RAD54L: variants seen among roughly 807,000 people sequenced by gnomAD.
RAD54L encodes the protein RAD54 like, also known as DNA repair and recombination protein RAD54-like.
A neutral mutation model predicts 91.6 loss-of-function variants in RAD54L; 74 were observed. The ratio of observed to expected loss-of-function variants is 0.81; its 90% CI spans 0.67 to 0.98. The LOEUF is 0.98. Ranked by LOEUF, RAD54L falls within the 50% of genes least tolerant of loss-of-function variation. The probability of loss-of-function intolerance (pLI) is 0.00; values close to 1 mark genes in which losing one functional copy is unlikely to be tolerated. For synonymous variants in RAD54L, 304 were observed against 349.7 expected, an observed-to-expected ratio of 0.87 and a Z score of 1.46; for missense variants, 887 against 945.7, an observed-to-expected ratio of 0.94 and a Z score of 0.81.
At chr1:46,254,450 A>G (rs1243357136) in intron 3 of RAD54L, among the ~76,000 whole-genome samples, 4 of 151,906 alleles carry the variant, frequency 2.6e-5, no homozygotes, top group East Asian at 3.9e-4. Flanking sequence ...GTAAATGTGG[A>G]TGTGGAGTAA....
At position 46,270,800 on chromosome 1, in the gene RAD54L, C is replaced by A; in HGVS notation, c.1169+15C>A. The A allele has an allele frequency of 6.2e-7, 1 of 1,613,910 alleles. No homozygotes were observed. The highest frequency in any genetic ancestry group is 8.5e-7 in the Non-Finnish European group (1 of 1,179,896). On this transcript the variant is annotated intron_variant, in intron 10 of 17. Transcript: ENST00000371975. ...ATTGTGAATAGGTAATGACCTTAAG[C>A]GAAGTCATTAGAATTGCCTCCCAAA...
chr1:46,274,691 A>G lies in RAD54L; in HGVS notation c.1843A>G (p.Thr615Ala). The change falls in exon 16 of 18, where the codon ACT (threonine) becomes GCT (alanine). Residue 615 changes from threonine to alanine, a missense_variant. Coordinates refer to ENST00000371975, the MANE Select transcript of RAD54L (RefSeq NM_003579.4). ...ARVWRDGQKKTCYIYRLLSAG... is the reference protein window; with the variant it reads ...ARVWRDGQKKACYIYRLLSAG... ...GGTCTGGCGAGATGGTCAAAAGAAG[A>G]CTTGCTATATCTACCGCCTGCTGTC... The G allele has an allele frequency of 6.2e-7, 1 of 1,614,092 alleles. No individual in the cohort carries two copies. The highest frequency in any genetic ancestry group is 8.5e-7 in the Non-Finnish European group (1 of 1,180,002).
At position 46,266,053 on chromosome 1, in the gene RAD54L, G is replaced by C. The variant is rs189882358; in HGVS notation, c.892-1406G>C. 2.5e-4 allele frequency among the ~76,000 whole-genome samples: 38 copies of C among 152,354 alleles called. 1 individual carries two copies. Among genetic ancestry groups the C allele is most frequent in the Admixed American group, 2.5e-3 (38 of 15,294 alleles). Reference sequence around the variant, plus strand: ...TAGTGCCACAGGAGCACAGAGTTGAGAGAGACAAGCAGCCTGGAGTCACTG... The same window carrying C: ...TAGTGCCACAGGAGCACAGAGTTGACAGAGACAAGCAGCCTGGAGTCACTG... On this transcript the variant is annotated intron_variant, in intron 8 of 17. Transcript: ENST00000371975.
At chr1:46,249,820 C>T (rs1158536705) in intron 2 of RAD54L, among the ~76,000 whole-genome samples, 180 bp from the exon 3 acceptor site, 1 of 152,204 alleles carries the variant, frequency 6.6e-6, no homozygotes, top group Non-Finnish European at 1.5e-5. Flanking sequence ...CTAGTTTTCT[C>T]ACCTCTTAAA....
In RAD54L at chr1:46,261,843, G is replaced by T. The variant is rs77091502; in HGVS notation, c.891+458G>T. On this transcript the variant is annotated intron_variant, in intron 8 of 17. Transcript: ENST00000371975. ...TTTTTGAGGACTTCAATATTTAAAG[G>T]GGGGCTGGCCACGATGATTCACGCC... 1.0e-3 allele frequency among the ~76,000 whole-genome samples: 158 copies of T among 152,264 alleles called. 2 individuals carry two copies. In the South Asian group the frequency reaches 0.017, roughly 16 times the overall value.
At chr1:46,273,869 T>G in intron 14 of RAD54L, 122 bp downstream of exon 14, 1 of 1,381,160 alleles carries the variant, frequency 7.2e-7, no homozygotes, top group Non-Finnish European at 1.0e-6. Flanking sequence ...TGGAGATATC[T>G]TCCCTTATTG....
Position 46,270,688 on chromosome 1 carries a change from GA to G in RAD54L, c.1074del (p.Glu358AspfsTer5). On this transcript the variant is annotated frameshift_variant, in exon 10 of 18. Coordinates refer to ENST00000371975, the MANE Select transcript of RAD54L (RefSeq NM_003579.4). LOFTEE classifies it high-confidence loss of function. Reference protein sequence around the residue: ...GTAHEFKKHFELPILKGRDAA... With the variant: ...GTAHEFKKHFXLPILKGRDAA... ...TGCCCATGAATTCAAGAAGCATTTT[GA>G]ATTGCCAATTTTGAAGGGTCGAGAC... The G allele has an allele frequency of 1.2e-6, 2 of 1,614,144 alleles. No homozygotes were observed. Among genetic ancestry groups the G allele is most frequent in the South Asian group, 2.2e-5 (2 of 91,080 alleles).
chr1:46,249,995 C>T lies in RAD54L; in HGVS notation c.91-5C>T. Reference sequence around the variant, plus strand: ...GACTTCACCTTTCCCAATTCTCTCTCCTAGACTCCTAGGAAACGGAAATCC... The same window carrying T: ...GACTTCACCTTTCCCAATTCTCTCTTCTAGACTCCTAGGAAACGGAAATCC... On this transcript the variant is annotated splice_region_variant and splice_polypyrimidine_tract_variant and intron_variant, in intron 2 of 17. Coordinates refer to ENST00000371975, the MANE Select transcript of RAD54L (RefSeq NM_003579.4). The T allele has an allele frequency of 6.2e-7, 1 of 1,613,834 alleles. No homozygotes were observed. The highest frequency in any genetic ancestry group is 8.5e-7 in the Non-Finnish European group (1 of 1,179,754).
At chr1:46,260,273 G>A (rs527691889) in intron 5 of RAD54L, among the ~76,000 whole-genome samples, 174 bp downstream of exon 5, 3 of 152,304 alleles carry the variant, frequency 2.0e-5, no homozygotes, top group African/African-American at 7.2e-5. Context: ...TGTCCAGTGA[G>A]TGGGCATTCC....
chr1:46,263,291 C>G lies in RAD54L; in HGVS notation c.891+1906C>G, dbSNP rs1377961973. Among the ~76,000 whole-genome samples the G allele has an allele frequency of 6.6e-6, 1 of 152,118 alleles. No homozygotes were observed. The highest frequency in any genetic ancestry group is 1.5e-5 in the Non-Finnish European group (1 of 68,024). On this transcript the variant is annotated intron_variant, in intron 8 of 17. Transcript: ENST00000371975. This position sits in a 1 kb window ranked among gnomAD's most constrained non-coding sequence, Gnocchi z 4.3. ...AGTGAGGGTGGCTGGGAGCTTCCTA[C>G]TATAGAGAATTTCCCAGGACTTCCC... is the stretch of plus-strand genomic sequence containing the variant.
rs765911269 is a variant in RAD54L at position 46,274,534 on chromosome 1, C to T, written c.1690-4C>T. On this transcript the variant is annotated splice_polypyrimidine_tract_variant and splice_region_variant and intron_variant, in intron 15 of 17. Transcript: ENST00000371975. ...TCCTTTTCTCCTGTTTCTTCTCTTT[C>T]CAGAGCCCTGACTTTGTCTTCATGC... 73 of 1,612,380 alleles carry T rather than the reference C, an allele frequency of 4.5e-5. No homozygotes were observed. The highest frequency in any genetic ancestry group is 5.9e-5 in the Non-Finnish European group (70 of 1,179,968).
At chr1:46,258,401 T>G (rs1363394884) in intron 3 of RAD54L, among the ~76,000 whole-genome samples, 2 of 152,142 alleles carry the variant, frequency 1.3e-5, no homozygotes, top group East Asian at 1.9e-4. Flanking sequence ...CCATTATTAC[T>G]CAGGTTGGCT....
chr1:46,266,208 G>A (rs1035540043), intron 8 of RAD54L, among the ~76,000 whole-genome samples: 2 of 152,222 alleles, frequency 1.3e-5, no homozygotes, highest in Non-Finnish European at 2.9e-5. Flanking sequence ...AGGATTCCTG[G>A]ACCGTGACAA....
chr1:46,272,047 TTTTTTTTTTTTTGA>T (rs1451442776), intron 10 of RAD54L, among the ~76,000 whole-genome samples: 6 of 125,162 alleles, frequency 4.8e-5, no homozygotes, highest in African/African-American at 1.8e-4. Flanking sequence ...TTTTTTTTTT[TTTTTTTTTTTTTGA>T]GATGGAGTCT....
intron 7 of RAD54L, 79 bp from the exon 8 acceptor site, chr1:46,261,182 G>T (rs1042953969): frequency 1.8e-5 from 29 of 1,580,610 alleles, no homozygotes; most frequent in Admixed American, 8.6e-5. Flanking sequence ...CTAAATTAAA[G>T]AACTGTCTAA....
chr1:46,251,108 A>G (rs548126365), intron 3 of RAD54L, among the ~76,000 whole-genome samples: 1 of 152,298 alleles, frequency 6.6e-6, no homozygotes, highest in African/African-American at 2.4e-5. Flanking sequence ...CAGGAGTTCA[A>G]GACCAGCCTG....
chr1:46,258,805 T>C, intron 4 of RAD54L, 59 bp downstream of exon 4: 2 of 1,317,630 alleles, frequency 1.5e-6, no homozygotes, highest in East Asian at 4.6e-5. Flanking sequence ...CCTGAATAAA[T>C]TAAAAACCTG....
rs1557696673 is a variant in RAD54L, at chr1:46,248,737, T to C, written c.90+139T>C. 5 of 768,492 alleles carry C rather than the reference T, an allele frequency of 6.5e-6. No homozygotes were observed. The East Asian group carries it at 8.0e-5, about 12-fold the overall frequency. The allele number at this position is 768,492 out of a possible 1,614,324, so 47.6% of individuals were successfully genotyped here. On this transcript the variant is annotated intron_variant, in intron 2 of 17. Transcript: ENST00000371975. ...ATAAACTTTTAGTGAGTACTTACTA[T>C]GTGCCAGGCATTGAACAAGATTAGT...
Position 46,278,385 on chromosome 1 carries a change from T to A in RAD54L, c.*103T>A. 1 of 1,305,868 alleles carries A rather than the reference T, an allele frequency of 7.7e-7. No homozygotes were observed. Among genetic ancestry groups the A allele is most frequent in the East Asian group, 2.5e-5 (1 of 39,696 alleles). The allele number at this position is 1,305,868 out of a possible 1,614,324, so 80.9% of individuals were successfully genotyped here. ...AATTTTGTTCTCTGGGAGAAAATCA[T>A]CAAGAAGGGCTGCATGATGTTTGCC... On this transcript the variant is annotated 3_prime_UTR_variant, in exon 18 of 18. Transcript: ENST00000371975.
Sources: allele counts gnomAD v4.1 joint callset (sites outside exome capture counted in the v4.1 genomes callset), GRCh38; gene constraint gnomAD v4.1.1; non-coding constraint Gnocchi (gnomAD v3.1); transcripts MANE v1.5; gene names NCBI Gene and HGNC (gene_info 2026-07-23, HGNC 2026-07-21).